Variants in MAP2 observed in about 807,000 individuals in gnomAD.
The protein encoded by MAP2 is microtubule associated protein 2, also known as microtubule-associated protein 2.
A neutral mutation model predicts 137.6 loss-of-function variants in MAP2; 14 were observed. That is an observed-to-expected ratio of 0.10 (90% CI 0.07 to 0.16). The LOEUF is 0.16. Ranked by LOEUF, MAP2 falls within the 10% of genes least tolerant of loss-of-function variation. The probability of loss-of-function intolerance (pLI) is 1.00; values close to 1 mark genes in which losing one functional copy is unlikely to be tolerated. For missense variants in MAP2, 2,088 were observed against 2,191.5 expected, an observed-to-expected ratio of 0.95 and a Z score of 0.94; for synonymous variants, 786 against 782.3, an observed-to-expected ratio of 1.00 and a Z score of -0.08.
At chr2:209,524,494 G>A (rs2063739038) in intron 2 of MAP2, among the ~76,000 whole-genome samples, 1 of 151,812 alleles carries the variant, frequency 6.6e-6, no homozygotes. Flanking sequence ...CTCGAAACAT[G>A]AGATTAAACA....
At position 209,725,741 on chromosome 2, in the gene MAP2, C is replaced by T. The variant is rs1559674910; in HGVS notation, c.5106C>T (p.Ser1702=). The T allele has an allele frequency of 6.2e-7, 1 of 1,605,318 alleles. No homozygotes were observed. Among genetic ancestry groups the T allele is most frequent in the African/African-American group, 1.3e-5 (1 of 74,610 alleles). Residue 1702 remains serine (S), a synonymous_variant, in exon 14 of 16, where the codon AGC becomes AGT. Coordinates refer to ENST00000682079, the MANE Select transcript of MAP2 (RefSeq NM_001375505.1). ...TTGTTACCAAGAAAATAGACCTAAGCCATGTGACATCCAAATGTGGCTCTC... is the reference window on the plus strand; with the variant it reads ...TTGTTACCAAGAAAATAGACCTAAGTCATGTGACATCCAAATGTGGCTCTC... The part of the protein sequence containing the change: ...VQIVTKKIDL[S]HVTSKCGSLK...
chr2:209,438,992 A>G (rs1401635868), intron 1 of MAP2, among the ~76,000 whole-genome samples: 2 of 151,498 alleles, frequency 1.3e-5, no homozygotes, highest in South Asian at 2.1e-4. Flanking sequence ...TTTGCTCTTA[A>G]AAATAACATA....
intron 3 of MAP2, among the ~76,000 whole-genome samples, chr2:209,615,917 C>G (rs761039646): frequency 2.0e-5 from 3 of 152,152 alleles, no homozygotes; most frequent in Non-Finnish European, 4.4e-5. Flanking sequence ...ACTCACAAAC[C>G]AATCAGCACA....
At chr2:209,653,116 A>T in intron 4 of MAP2, 26 bp from the exon 5 acceptor site, 2 of 1,512,444 alleles carry the variant, frequency 1.3e-6, no homozygotes, top group Admixed American at 4.4e-5. Flanking sequence ...TCCCCAAAGT[A>T]ATAGCTACTA....
intron 4 of MAP2, among the ~76,000 whole-genome samples, chr2:209,635,546 G>C (rs1394377353): frequency 1.3e-5 from 2 of 152,066 alleles, no homozygotes; most frequent in Admixed American, 1.3e-4. Flanking sequence ...CTGTTTATTT[G>C]GATGTTTATA....
At chr2:209,537,109 C>G (rs373525341) in intron 2 of MAP2, among the ~76,000 whole-genome samples, 1 of 152,110 alleles carries the variant, frequency 6.6e-6, no homozygotes, top group East Asian at 1.9e-4. Context: ...AGGTCTGTGG[C>G]ACACTTATAT....
At chr2:209,493,339 C>A (rs567235059) in intron 1 of MAP2, among the ~76,000 whole-genome samples, 3 of 152,226 alleles carry the variant, frequency 2.0e-5, no homozygotes, top group Admixed American at 6.5e-5. Flanking sequence ...AGAAGAAAAC[C>A]TAGGCAATAC....
At chr2:209,678,536 C>T in intron 5 of MAP2, 36 bp from the exon 6 acceptor site, 1 of 1,101,680 alleles carries the variant, frequency 9.1e-7, no homozygotes, top group Non-Finnish European at 1.3e-6. Flanking sequence ...TCAGACTTCT[C>T]ATCGTTATAT....
At chr2:209,645,776 C>A (rs981157614) in intron 4 of MAP2, among the ~76,000 whole-genome samples, 2 of 152,056 alleles carry the variant, frequency 1.3e-5, no homozygotes, top group African/African-American at 4.8e-5. Context: ...AAATAAGGAA[C>A]AGAACATAGT....
chr2:209,434,386 A>G (rs919905454), intron 1 of MAP2, among the ~76,000 whole-genome samples: 1 of 151,940 alleles, frequency 6.6e-6, no homozygotes, highest in Non-Finnish European at 1.5e-5. Context: ...GGAGAAATTA[A>G]TATTTTTATT....
intron 12 of MAP2, 23 bp downstream of exon 12, chr2:209,705,750 T>C: frequency 3.7e-6 from 6 of 1,605,522 alleles, no homozygotes; most frequent in Non-Finnish European, 5.1e-6. Flanking sequence ...TGATTTGAAT[T>C]CCTTTTTAAG....
chr2:209,509,938 T>C (rs1034632403), intron 2 of MAP2, among the ~76,000 whole-genome samples: 1 of 151,728 alleles, frequency 6.6e-6, no homozygotes, highest in African/African-American at 2.4e-5. Flanking sequence ...GTAAATGAGG[T>C]ATGTCTTGTA....
intron 2 of MAP2, among the ~76,000 whole-genome samples, chr2:209,578,652 C>T (rs1455255453): frequency 1.3e-5 from 2 of 152,136 alleles, no homozygotes; most frequent in African/African-American, 2.4e-5. Context: ...TATTTATTGA[C>T]ATTTTTCTCC....
intron 2 of MAP2, among the ~76,000 whole-genome samples, chr2:209,527,453 G>A (rs1015749946): frequency 6.6e-6 from 1 of 151,994 alleles, no homozygotes; most frequent in Non-Finnish European, 1.5e-5. Flanking sequence ...CGCATACACC[G>A]ATGCCTACTG....
In MAP2 at chr2:209,695,870, A is replaced by G. The variant is rs2060045645; in HGVS notation, c.3700A>G (p.Ser1234Gly). The G allele has an allele frequency of 1.9e-6, 3 of 1,613,984 alleles. No individual in the cohort carries two copies. Among genetic ancestry groups the G allele is most frequent in the African/African-American group, 2.7e-5 (2 of 74,906 alleles). The change falls in exon 8 of 16, where the codon AGT becomes GGT. Residue 1234 changes from serine (S) to glycine (G), a missense_variant. Physicochemically the swap from Ser to Gly is moderately conservative, Grantham distance 56 (BLOSUM62 0). This residue lies in a region of MAP2 where 591 missense variants were observed against 642.6 expected (regional missense o/e 0.92). Transcript: ENST00000682079. ...TIVSEPAEIQ[S>G]EEEEIEAQGE... is the part of the protein sequence containing the mutation. ...CGTATCTGAACCAGCAGAGATTCAG[A>G]GTGAGGAAGAAGAGATAGAAGCCCA...
intron 1 of MAP2, among the ~76,000 whole-genome samples, chr2:209,468,895 C>A (rs968563299): frequency 6.6e-6 from 1 of 152,080 alleles, no homozygotes; most frequent in Non-Finnish European, 1.5e-5. Context: ...TGGGACTGCT[C>A]CAGTGCCTGG....
intron 3 of MAP2, among the ~76,000 whole-genome samples, chr2:209,617,828 T>C (rs192598443): frequency 3.7e-4 from 57 of 152,310 alleles, no homozygotes; most frequent in African/African-American, 1.3e-3. Flanking sequence ...AATTAATAAC[T>C]CTTCAGAGAC....
intron 2 of MAP2, among the ~76,000 whole-genome samples, chr2:209,567,510 T>A (rs924086507): frequency 1.3e-5 from 2 of 151,986 alleles, no homozygotes; most frequent in East Asian, 3.9e-4. Flanking sequence ...AAATTTCTCT[T>A]CCAGACAGAT....
chr2:209,465,405 A>G (rs989539703), intron 1 of MAP2, among the ~76,000 whole-genome samples: 3 of 148,972 alleles, frequency 2.0e-5, no homozygotes, highest in African/African-American at 7.3e-5. Context: ...TTAAAAGGCA[A>G]AATAATTGCA....
Sources: gnomAD v4.1 joint callset for allele counts (sites outside exome capture counted in the v4.1 genomes callset) on GRCh38, gnomAD v4.1.1 for gene constraint, gnomAD v4.1.1 regional missense constraint, MANE v1.5 for transcripts, NCBI Gene and HGNC (gene_info 2026-07-23, HGNC 2026-07-21) for gene names.